Variants in RNF149 observed in about 807,000 individuals in gnomAD.
The protein encoded by RNF149 is ring finger protein 149, also known as E3 ubiquitin-protein ligase RNF149.
Under a neutral mutation model 39.0 loss-of-function variants are expected in RNF149, and 21 were observed. The observed-to-expected ratio is 0.54, with a 90% confidence interval of 0.38 to 0.77. RNF149 has a LOEUF of 0.77. Among genes scored for constraint, RNF149 ranks in the 30% least tolerant of loss-of-function variants. The probability of loss-of-function intolerance (pLI) is 0.00; values close to 1 mark genes in which losing one functional copy is unlikely to be tolerated. For missense variants in RNF149, 493 were observed against 534.9 expected (o/e 0.92, Z 0.77); for synonymous variants, 209 against 213.6 (o/e 0.98, Z 0.19).
At chr2:101,301,984 A>G (rs1683470250) in intron 1 of RNF149, among the ~76,000 whole-genome samples, 1 of 152,228 alleles carries the variant, frequency 6.6e-6, no homozygotes, top group Non-Finnish European at 1.5e-5. Context: ...AGAATACTAT[A>G]AACTTCCAGG....
intron 1 of RNF149, among the ~76,000 whole-genome samples, chr2:101,299,899 C>T (rs1228397619): frequency 6.6e-6 from 1 of 152,214 alleles, no homozygotes; most frequent in Non-Finnish European, 1.5e-5. Context: ...TCCGAGGTAA[C>T]GTCCCTTCCC....
intron 2 of RNF149, chr2:101,294,369 T>C: frequency 3.4e-6 from 1 of 292,576 alleles, no homozygotes; most frequent in Non-Finnish European, 6.4e-6. Context: ...TTTTAATTTG[T>C]CTGAAGAAGC....
At position 101,295,000 on chromosome 2, in the gene RNF149, G is replaced by C; in HGVS notation, c.642C>G (p.Ile214Met). ...VAIAFITMMIISLAWLIFYYI... is the reference protein window; with the variant it reads ...VAIAFITMMIMSLAWLIFYYI... ...AGTAAAATATTAGCCAGGCTAACGA[G>C]ATAATCATCATGGTGATGAAGGCAA... The change falls in exon 2 of 7, where the codon ATC (isoleucine) becomes ATG (methionine). Residue 214 changes from isoleucine to methionine, a missense_variant. Coordinates refer to ENST00000295317, the MANE Select transcript of RNF149 (RefSeq NM_173647.4). 1 of 1,613,894 alleles carries C rather than the reference G, an allele frequency of 6.2e-7. No homozygotes were observed. The highest frequency in any genetic ancestry group is 8.5e-7 in the Non-Finnish European group (1 of 1,179,806).
chr2:101,276,975 G>A lies in RNF149; in HGVS notation c.*263C>T, dbSNP rs551754938. ...ACCTGTCCTTTATATTAGAGTACCTGCCCCAGTTGTCTTTGTAATAGTCTG... is the reference window on the plus strand; with the variant it reads ...ACCTGTCCTTTATATTAGAGTACCTACCCCAGTTGTCTTTGTAATAGTCTG... On this transcript the variant is annotated 3_prime_UTR_variant, in exon 7 of 7. Transcript: ENST00000295317. 8.4e-7 allele frequency: 1 copy of A among 1,184,306 alleles called. No homozygotes were observed. Among genetic ancestry groups the A allele is most frequent in the Non-Finnish European group, 1.1e-6 (1 of 947,112 alleles). 73.4% of individuals were successfully genotyped at this position (1,184,306 alleles called of 1,614,324 possible).
At chr2:101,302,981 TAAAA>T (rs58511902) in intron 1 of RNF149, among the ~76,000 whole-genome samples, 9 of 141,456 alleles carry the variant, frequency 6.4e-5, no homozygotes, top group African/African-American at 1.6e-4. Flanking sequence ...CACTTGTCTC[TAAAA>T]AAAAAAAAAA....
chr2:101,306,999 T>C (rs546917175), intron 1 of RNF149, among the ~76,000 whole-genome samples: 2 of 152,312 alleles, frequency 1.3e-5, no homozygotes, highest in African/African-American at 4.8e-5. Context: ...GTGTGATGCA[T>C]AAAGTGATGT....
At chr2:101,306,487 G>A (rs1171118086) in intron 1 of RNF149, among the ~76,000 whole-genome samples, 1 of 152,174 alleles carries the variant, frequency 6.6e-6, no homozygotes, top group African/African-American at 2.4e-5. Flanking sequence ...CTAGCCCAGT[G>A]CCACCACATG....
intron 1 of RNF149, among the ~76,000 whole-genome samples, chr2:101,302,799 G>A (rs907690051): frequency 3.3e-5 from 5 of 151,892 alleles, no homozygotes; most frequent in South Asian, 2.1e-4. Context: ...GGCAACACAC[G>A]GAGACCCCAT....
intron 1 of RNF149, among the ~76,000 whole-genome samples, chr2:101,306,205 T>C (rs1298142443): frequency 2.0e-5 from 3 of 152,184 alleles, no homozygotes; most frequent in Non-Finnish European, 2.9e-5. Context: ...ATGCAGTAAG[T>C]AGATTTGGAA....
downstream of RNF149, among the ~76,000 whole-genome samples, chr2:101,271,900 T>C (rs1047637083): frequency 1.4e-4 from 21 of 152,242 alleles, no homozygotes; most frequent in African/African-American, 4.6e-4. Flanking sequence ...ATTCTTATAG[T>C]GTACATATAC....
chr2:101,287,408 C>T (rs1395477462), intron 4 of RNF149, among the ~76,000 whole-genome samples: 1 of 152,128 alleles, frequency 6.6e-6, no homozygotes, highest in Non-Finnish European at 1.5e-5. Flanking sequence ...AAATTTGTTA[C>T]AGAAATAAAG....
At chr2:101,306,506 C>T (rs1683664917) in intron 1 of RNF149, among the ~76,000 whole-genome samples, 1 of 152,222 alleles carries the variant, frequency 6.6e-6, no homozygotes, top group African/African-American at 2.4e-5. Flanking sequence ...TGGACATCTG[C>T]TCTCATTCCC....
In RNF149 at chr2:101,276,563, T is replaced by C; in HGVS notation, c.*675A>G. Reference sequence around the variant, plus strand: ...GCGATATAGAATCTTAGCTTTTTATTTGTAGGAAAAAATAAACAGATTTCC... The same window carrying C: ...GCGATATAGAATCTTAGCTTTTTATCTGTAGGAAAAAATAAACAGATTTCC... On this transcript the variant is annotated 3_prime_UTR_variant, in exon 7 of 7. Coordinates refer to ENST00000295317, the MANE Select transcript of RNF149 (RefSeq NM_173647.4). 2 of 985,762 alleles carry C rather than the reference T, an allele frequency of 2.0e-6. No individual in the cohort carries two copies. The highest frequency in any genetic ancestry group is 9.4e-5 in the South Asian group (2 of 21,296). 61.1% of individuals were successfully genotyped at this position (985,762 alleles called of 1,614,324 possible). A position where few individuals can be genotyped will look rare whatever the true frequency, so the allele number is the denominator to read the frequency against.
At chr2:101,298,953 C>T (rs893688316) in intron 1 of RNF149, among the ~76,000 whole-genome samples, 6 of 152,150 alleles carry the variant, frequency 3.9e-5, no homozygotes, top group Non-Finnish European at 8.8e-5. Flanking sequence ...AATTTGAGAC[C>T]AGCCTGGCCA....
chr2:101,296,309 A>T (rs1475413726), intron 1 of RNF149, among the ~76,000 whole-genome samples: 1 of 152,246 alleles, frequency 6.6e-6, no homozygotes, highest in Non-Finnish European at 1.5e-5. Flanking sequence ...AGAAGGGCTA[A>T]AATAAAAAAT....
intron 4 of RNF149, chr2:101,286,480 T>C (rs1682798045): frequency 4.6e-6 from 1 of 219,276 alleles, no homozygotes; most frequent in Non-Finnish European, 9.0e-6. Context: ...AAATGTGGCA[T>C]AAATCAACTA....
chr2:101,306,806 T>C (rs935518769), intron 1 of RNF149, among the ~76,000 whole-genome samples: 2 of 152,288 alleles, frequency 1.3e-5, no homozygotes, highest in African/African-American at 2.4e-5. Context: ...CTTCACAAAA[T>C]AGGCAAATCC....
chr2:101,293,457 G>T (rs1683096724), intron 3 of RNF149, among the ~76,000 whole-genome samples: 1 of 152,212 alleles, frequency 6.6e-6, no homozygotes, highest in Non-Finnish European at 1.5e-5. Flanking sequence ...TGAGCTTCTA[G>T]ATTCAGGATT....
intron 6 of RNF149, among the ~76,000 whole-genome samples, chr2:101,280,209 T>TGAC (rs1682526968): frequency 6.6e-6 from 1 of 151,488 alleles, no homozygotes; most frequent in Non-Finnish European, 1.5e-5. Context: ...ATAATGATGA[T>TGAC]GATGATGATA....
Sources: gnomAD v4.1 joint callset for allele counts (sites outside exome capture counted in the v4.1 genomes callset) on GRCh38, gnomAD v4.1.1 for gene constraint, MANE v1.5 for transcripts, NCBI Gene and HGNC (gene_info 2026-07-23, HGNC 2026-07-21) for gene names.